CLVS2: variants seen among roughly 807,000 people sequenced by gnomAD.
CLVS2 encodes clavesin 2.
In CLVS2, 19 loss-of-function variants were observed where a neutral mutation model predicts 29.0. That is an observed-to-expected ratio of 0.66 (90% CI 0.46 to 0.96). The LOEUF is 0.96. Among genes scored for constraint, CLVS2 ranks in the 40% least tolerant of loss-of-function variants. CLVS2 has a pLI of 0.00. For missense variants in CLVS2, 294 were observed against 404.1 expected, an observed-to-expected ratio of 0.73 and a Z score of 2.34; for synonymous variants, 161 against 151.3, an observed-to-expected ratio of 1.06 and a Z score of -0.47.
At chr6:123,022,204 G>A (rs761822127) in intron 3 of CLVS2, among the ~76,000 whole-genome samples, 3 of 152,080 alleles carry the variant, frequency 2.0e-5, no homozygotes, top group East Asian at 1.9e-4. Flanking sequence ...CCATCTTTAC[G>A]GAAGCAGAAG....
intron 3 of CLVS2, among the ~76,000 whole-genome samples, chr6:123,019,724 A>T (rs1774893956): frequency 6.6e-6 from 1 of 152,058 alleles, no homozygotes; most frequent in Non-Finnish European, 1.5e-5. Context: ...TAGAACAAAT[A>T]TATAAGGCGA....
At chr6:123,011,204 C>A (rs775004850) in intron 3 of CLVS2, 45 bp downstream of exon 3, 2 of 1,342,734 alleles carry the variant, frequency 1.5e-6, no homozygotes, top group Non-Finnish European at 2.0e-6. Flanking sequence ...TTGTGTTTGA[C>A]TTCTCTTGTC....
intron 4 of CLVS2, among the ~76,000 whole-genome samples, chr6:123,049,813 G>GGA (rs1247383064): frequency 1.3e-5 from 2 of 151,044 alleles, no homozygotes; most frequent in Non-Finnish European, 3.0e-5. Context: ...ATGGGGGGCG[G>GGA]GGAGGAATAG....
chr6:123,018,073 A>G (rs2114316858), intron 3 of CLVS2, among the ~76,000 whole-genome samples: 1 of 152,268 alleles, frequency 6.6e-6, no homozygotes, highest in South Asian at 2.1e-4. Flanking sequence ...GGAAAGAAGA[A>G]AATAACACTT....
chr6:123,048,784 A>T, intron 4 of CLVS2, 52 bp downstream of exon 4: 3 of 1,050,782 alleles, frequency 2.9e-6, no homozygotes, highest in Non-Finnish European at 4.5e-6. Context: ...CCAATGAATT[A>T]TAATGCATAA....
intron 5 of CLVS2, among the ~76,000 whole-genome samples, chr6:123,060,538 T>C (rs1045262570): frequency 2.6e-5 from 4 of 152,214 alleles, no homozygotes; most frequent in African/African-American, 7.2e-5. Context: ...AAGCAAGTAA[T>C]AAAGTAGTAG....
In CLVS2 at chr6:122,997,924, G is replaced by A. The variant is rs746604462; in HGVS notation, c.147G>A (p.Thr49=). The A allele has an allele frequency of 1.2e-6, 2 of 1,614,168 alleles. No homozygotes were observed. The highest frequency in any genetic ancestry group is 1.7e-6 in the Non-Finnish European group (2 of 1,180,022). ...ITRPDIGFLR[T]DDAFILRFLR... ...GGCCGGACATTGGCTTTCTGCGCAC[G>A]GATGATGCCTTCATCTTACGCTTCT... The change falls in exon 2 of 6, where the codon ACG becomes ACA. Residue 49 remains threonine, a synonymous_variant. Transcript: ENST00000275162.
At chr6:123,015,243 A>G (rs898028223) in intron 3 of CLVS2, among the ~76,000 whole-genome samples, 1 of 152,030 alleles carries the variant, frequency 6.6e-6, no homozygotes, top group African/African-American at 2.4e-5. Flanking sequence ...AAAAGACTGC[A>G]TACTATATGG....
intron 3 of CLVS2, among the ~76,000 whole-genome samples, chr6:123,011,443 T>A (rs1774746393): frequency 6.6e-6 from 1 of 152,078 alleles, no homozygotes; most frequent in African/African-American, 2.4e-5. Context: ...TTTTAGATTG[T>A]AATGATTAGC....
At chr6:123,044,675 G>C (rs1344392927) in intron 3 of CLVS2, among the ~76,000 whole-genome samples, 2 of 151,582 alleles carry the variant, frequency 1.3e-5, no homozygotes, top group African/African-American at 4.8e-5. Context: ...TGGTAAATCT[G>C]CATTTGTCTC....
intron 3 of CLVS2, among the ~76,000 whole-genome samples, chr6:123,030,894 A>G (rs1031612255): frequency 3.3e-5 from 5 of 149,716 alleles, no homozygotes; most frequent in Admixed American, 2.0e-4. Context: ...ATATATATAT[A>G]TATCTCATAT....
At chr6:123,040,889 T>C (rs1775220400) in intron 3 of CLVS2, among the ~76,000 whole-genome samples, 1 of 152,240 alleles carries the variant, frequency 6.6e-6, no homozygotes. Flanking sequence ...TACAGTTTTT[T>C]TCAGAGTTTA....
In CLVS2 at chr6:123,056,709, C is replaced by T. The variant is rs1460691310; in HGVS notation, c.896+683C>T. Among the ~76,000 whole-genome samples, 4 of 152,082 alleles carry T rather than the reference C, an allele frequency of 2.6e-5. No homozygotes were observed. In the East Asian group the frequency reaches 7.7e-4, roughly 29 times the overall value. The stretch of plus-strand genomic sequence containing the variant: ...GTGGAGTAGAGAGAGTGCCCATTTC[C>T]ACTGTTGTGGGAGCAACTCTCCTAT... On this transcript the variant is annotated intron_variant, in intron 5 of 5. Coordinates refer to ENST00000275162, the MANE Select transcript of CLVS2 (RefSeq NM_001010852.4).
intron 3 of CLVS2, among the ~76,000 whole-genome samples, chr6:123,038,452 T>A (rs1225381733): frequency 6.6e-6 from 1 of 152,196 alleles, no homozygotes; most frequent in African/African-American, 2.4e-5. Context: ...GTGCCAATTT[T>A]TTTTAAAGGA....
intron 3 of CLVS2, among the ~76,000 whole-genome samples, chr6:123,033,785 G>A (rs1010866876): frequency 6.6e-6 from 1 of 152,022 alleles, no homozygotes; most frequent in Admixed American, 6.6e-5. Flanking sequence ...ATAAGCCACC[G>A]ATGGGGAGAA....
At chr6:123,000,284 A>G (rs1312667492) in intron 2 of CLVS2, among the ~76,000 whole-genome samples, 1 of 152,178 alleles carries the variant, frequency 6.6e-6, no homozygotes, top group Non-Finnish European at 1.5e-5. Context: ...GAGCTTAGTC[A>G]AAATTTCAGT....
At chr6:122,998,519 G>C (rs1774544842) in intron 2 of CLVS2, among the ~76,000 whole-genome samples, 1 of 152,018 alleles carries the variant, frequency 6.6e-6, no homozygotes, top group Non-Finnish European at 1.5e-5. Context: ...AAGAAAATGG[G>C]GACAACTTTT....
At chr6:123,043,220 C>A (rs1409348181) in intron 3 of CLVS2, among the ~76,000 whole-genome samples, 1 of 152,086 alleles carries the variant, frequency 6.6e-6, no homozygotes, top group Admixed American at 6.6e-5. Context: ...GCGCATACAT[C>A]AAGATTCTTA....
chr6:123,066,679 G>A lies in CLVS2; in HGVS notation c.*2918G>A, dbSNP rs1772860745. 1 of 151,710 alleles carries A rather than the reference G, an allele frequency of 6.6e-6. No individual in the cohort carries two copies. The allele number at this position is 151,710 out of a possible 1,614,324, so 9.4% of individuals were successfully genotyped here. On this transcript the variant is annotated 3_prime_UTR_variant, in exon 6 of 6. Transcript: ENST00000275162. Reference sequence around the variant, plus strand: ...GCCTGCATTTTTGACTACTATTTAAGAGGGAAGAGATTATCATGAAAATAT... The same window carrying A: ...GCCTGCATTTTTGACTACTATTTAAAAGGGAAGAGATTATCATGAAAATAT...
Sources: gnomAD v4.1 joint callset for allele counts (sites outside exome capture counted in the v4.1 genomes callset) on GRCh38, gnomAD v4.1.1 for gene constraint, MANE v1.5 for transcripts, NCBI Gene and HGNC (gene_info 2026-07-23, HGNC 2026-07-21) for gene names.